Variants in CENPF observed in about 807,000 individuals in gnomAD.
CENPF encodes the protein AH antigen.
In CENPF, 214 loss-of-function variants were observed where a neutral mutation model predicts 307.3. That is an observed-to-expected ratio of 0.70 (90% CI 0.62 to 0.78). The LOEUF (loss-of-function observed/expected upper bound fraction) is 0.78, where lower values mean the gene tolerates loss of function less well. Ranked by LOEUF, CENPF falls within the 30% of genes least tolerant of loss-of-function variation. The pLI is 0.00. For missense variants in CENPF, 3,401 were observed against 3,483.9 expected, an observed-to-expected ratio of 0.98 and a Z score of 0.60; for synonymous variants, 1,259 against 1,270.6, an observed-to-expected ratio of 0.99 and a Z score of 0.19.
chr1:214,617,205 G>A (rs1375743681), intron 3 of CENPF, among the ~76,000 whole-genome samples: 5 of 151,654 alleles, frequency 3.3e-5, no homozygotes, highest in Non-Finnish European at 7.4e-5. Flanking sequence ...ACACCACCAT[G>A]CCTGGCTAAT....
At chr1:214,621,559 G>A (rs1264625758) in intron 6 of CENPF, among the ~76,000 whole-genome samples, 3 of 152,188 alleles carry the variant, frequency 2.0e-5, no homozygotes, top group Non-Finnish European at 4.4e-5. Context: ...AATGTTGTGC[G>A]TATGTGGGAA....
At chr1:214,624,563 T>C (rs1266185516) in intron 7 of CENPF, among the ~76,000 whole-genome samples, 2 of 152,206 alleles carry the variant, frequency 1.3e-5, no homozygotes, top group African/African-American at 4.8e-5. Flanking sequence ...TGCATTCTCT[T>C]ATTCTTTTGA....
chr1:214,637,859 G>A lies in CENPF; in HGVS notation c.1447-7G>A. 6.2e-7 allele frequency: 1 copy of A among 1,600,704 alleles called. No individual in the cohort carries two copies. ...TTGGCTATAACCAATTAAAATGTGTGTTTTAGGAAATGAAGAAGGAAAACA... is the reference window on the plus strand; with the variant it reads ...TTGGCTATAACCAATTAAAATGTGTATTTTAGGAAATGAAGAAGGAAAACA... On this transcript the variant is annotated splice_polypyrimidine_tract_variant and splice_region_variant and intron_variant, in intron 10 of 19. Coordinates refer to ENST00000366955, the MANE Select transcript of CENPF (RefSeq NM_016343.4).
chr1:214,608,896 G>A (rs1657117807), intron 1 of CENPF: 5 of 1,397,552 alleles, frequency 3.6e-6, no homozygotes, highest in South Asian at 1.6e-5. Flanking sequence ...AACGCCGCCC[G>A]GCCTGGCCCG....
At chr1:214,638,044 A>T in intron 11 of CENPF, 43 bp downstream of exon 11, 1 of 1,560,396 alleles carries the variant, frequency 6.4e-7, no homozygotes, top group East Asian at 2.3e-5. Flanking sequence ...CTAAGCTGCT[A>T]TTCCCGTGAG....
chr1:214,613,905 C>CA lies in CENPF; in HGVS notation c.156dup (p.Gln53ThrfsTer4). The CA allele has an allele frequency of 2.5e-6, 4 of 1,606,740 alleles. No individual in the cohort carries two copies. The highest frequency in any genetic ancestry group is 3.4e-6 in the Non-Finnish European group (4 of 1,177,878). On this transcript the variant is annotated frameshift_variant, in exon 2 of 20. Coordinates refer to ENST00000366955, the MANE Select transcript of CENPF (RefSeq NM_016343.4). LOFTEE classifies it high-confidence loss of function. ...CAGTCTCGAGGCTGCGCTGCAGAAG[C>CA]AAAAACAGAAGGTACCCCTGAAGCT...
chr1:214,609,190 C>T (rs1657133265), intron 1 of CENPF, among the ~76,000 whole-genome samples: 3 of 152,162 alleles, frequency 2.0e-5, no homozygotes, highest in Admixed American at 6.5e-5. Flanking sequence ...ATCGCCACCG[C>T]CGCAGCTCCC....
intron 7 of CENPF, among the ~76,000 whole-genome samples, chr1:214,626,724 T>G (rs182759979): frequency 4.6e-5 from 7 of 152,340 alleles, no homozygotes; most frequent in African/African-American, 1.7e-4. Context: ...GTCATAGGGT[T>G]GTTGTAAAGA....
intron 2 of CENPF, among the ~76,000 whole-genome samples, chr1:214,614,162 C>T (rs1462905023): frequency 8.2e-6 from 1 of 121,728 alleles, no homozygotes; most frequent in East Asian, 2.7e-4. Context: ...TTCCCCATTT[C>T]TGTCCTCATT....
chr1:214,637,812 A>G, intron 10 of CENPF, 54 bp from the exon 11 acceptor site: 1 of 1,568,312 alleles, frequency 6.4e-7, no homozygotes, highest in Non-Finnish European at 8.6e-7. Flanking sequence ...GGCAGAAGTC[A>G]TAACTTACTT....
At chr1:214,609,455 G>C (rs1169761800) in intron 1 of CENPF, among the ~76,000 whole-genome samples, 1 of 152,200 alleles carries the variant, frequency 6.6e-6, no homozygotes, top group Non-Finnish European at 1.5e-5. Context: ...CAGAGGAAGA[G>C]GGACAAAGTG....
intron 7 of CENPF, among the ~76,000 whole-genome samples, chr1:214,628,793 A>G (rs1657726071): frequency 1.3e-5 from 2 of 152,214 alleles, no homozygotes; most frequent in Non-Finnish European, 2.9e-5. Context: ...ATAGGCTAAC[A>G]CCATTGCATT....
At position 214,641,862 on chromosome 1, in the gene CENPF, G is replaced by A. The variant is rs1558183299; in HGVS notation, c.3524G>A (p.Arg1175Lys). The A allele has an allele frequency of 6.2e-7, 1 of 1,606,736 alleles. No homozygotes were observed. The highest frequency in any genetic ancestry group is 8.5e-7 in the Non-Finnish European group (1 of 1,178,304). Residue 1175 changes from arginine to lysine, a missense_variant, in exon 12 of 20, where the codon AGG becomes AAG. Arg to Lys is a conservative substitution (Grantham distance 26). Transcript: ENST00000366955. ...CAAAATCTAGAATCAGAACCAATTA[G>A]GAACTCTGTGAAAGAAAGAGAGAGT... is the stretch of plus-strand genomic sequence containing the variant. ...ECQNLESEPI[R>K]NSVKERESER...
intron 7 of CENPF, among the ~76,000 whole-genome samples, chr1:214,622,839 G>A (rs893678808): frequency 1.5e-5 from 2 of 137,754 alleles, no homozygotes; most frequent in East Asian, 2.1e-4. Context: ...AAAAAAGATC[G>A]TATATATAGT....
Position 214,645,867 on chromosome 1 carries a change from G to GA in CENPF, c.6300dup (p.Gly2101ArgfsTer2). 6.2e-7 allele frequency: 1 copy of GA among 1,614,172 alleles called. No individual in the cohort carries two copies. Among genetic ancestry groups the GA allele is most frequent in the Non-Finnish European group, 8.5e-7 (1 of 1,180,040 alleles). Reference sequence around the variant, plus strand: ...AGGCCTTGGAGGCCGCACTGGTGGAGAAAGGTGAGTTCGCATTGAGGCTGA... The same window carrying GA: ...AGGCCTTGGAGGCCGCACTGGTGGAGAAAAGGTGAGTTCGCATTGAGGCTGA... On this transcript the variant is annotated frameshift_variant, in exon 13 of 20. Transcript: ENST00000366955. LOFTEE classifies it high-confidence loss of function.
rs1389129265 is a variant in CENPF, at chr1:214,619,050, T to C, written c.482-79T>C. 13 of 748,226 alleles carry C rather than the reference T, an allele frequency of 1.7e-5. No individual in the cohort carries two copies. The East Asian group carries it at 2.8e-4, about 16-fold the overall frequency. The allele number at this position is 748,226 out of a possible 1,614,324, so 46.3% of individuals were successfully genotyped here. A position where few individuals can be genotyped will look rare whatever the true frequency, so the allele number is the denominator to read the frequency against. On this transcript the variant is annotated intron_variant, in intron 4 of 19. Coordinates refer to ENST00000366955, the MANE Select transcript of CENPF (RefSeq NM_016343.4). ...TACTAAGATACTCATTTCTAGACTA[T>C]CAAAATCGTTGTTGATCTGTGAATT...
chr1:214,650,492 C>T (rs1308059600), intron 14 of CENPF, among the ~76,000 whole-genome samples: 1 of 152,008 alleles, frequency 6.6e-6, no homozygotes, highest in African/African-American at 2.4e-5. Flanking sequence ...GGAACTCTAG[C>T]ACACAAGGTG....
chr1:214,615,028 G>T lies in CENPF; in HGVS notation c.359G>T (p.Arg120Met). 6.3e-7 allele frequency: 1 copy of T among 1,591,538 alleles called. No individual in the cohort carries two copies. Among genetic ancestry groups the T allele is most frequent in the Non-Finnish European group, 8.5e-7 (1 of 1,169,804 alleles). Residue 120 changes from arginine to methionine, a missense_variant and splice_region_variant, in exon 3 of 20, where the codon AGG (arginine) becomes ATG (methionine). Arg to Met is a moderately conservative substitution (Grantham distance 91). Transcript: ENST00000366955. ...GAAAAACTGGAACAGGAACTTAAAA[G>T]GTAATATTTTGGGATGGTATTTATA... ...QIEKLEQELKRCKSELERSQQ... is the reference protein window; with the variant it reads ...QIEKLEQELKMCKSELERSQQ...
At chr1:214,608,171 C>T (rs902816938) in intron 1 of CENPF, 372 of 875,462 alleles carry the variant, frequency 4.2e-4, no homozygotes, top group Non-Finnish European at 6.0e-4. Context: ...CTCGCCTGTC[C>T]GGCTCTCTGG....
Sources: gnomAD v4.1 joint callset for allele counts (sites outside exome capture counted in the v4.1 genomes callset) on GRCh38, gnomAD v4.1.1 for gene constraint, MANE v1.5 for transcripts, NCBI Gene and HGNC (gene_info 2026-07-23, HGNC 2026-07-21) for gene names.